The following MFN2 variants were observed in gnomAD, a reference collection of about 807,000 sequenced individuals.
The protein encoded by MFN2 is mitofusin 2.
MFN2 carries 43 observed loss-of-function variants against 87.5 expected under a neutral mutation model. The observed-to-expected ratio is 0.49, with a 90% CI of 0.38 to 0.63. The LOEUF (loss-of-function observed/expected upper bound fraction) is 0.63. MFN2 is among the 30% of genes least tolerant of loss of function. The probability of loss-of-function intolerance (pLI) is 0.00; values close to 1 mark genes in which losing one functional copy is unlikely to be tolerated. For missense variants in MFN2, 743 were observed against 972.8 expected, an observed-to-expected ratio of 0.76 and a Z score of 3.14; for synonymous variants, 337 against 359.9, an observed-to-expected ratio of 0.94 and a Z score of 0.72.
chr1:11,994,839 C>T (rs1638842042), intron 4 of MFN2, among the ~76,000 whole-genome samples: 1 of 152,158 alleles, frequency 6.6e-6, no homozygotes, highest in Non-Finnish European at 1.5e-5. Context: ...TAGTTCTGCT[C>T]TAGTGATATG....
At chr1:12,009,388 G>A (rs1000446797) in intron 17 of MFN2, among the ~76,000 whole-genome samples, 1 of 152,222 alleles carries the variant, frequency 6.6e-6, no homozygotes, top group Non-Finnish European at 1.5e-5. Context: ...TTCTCAGGCC[G>A]TGGTGATGCT....
chr1:11,990,551 C>T (rs887084152), intron 3 of MFN2, among the ~76,000 whole-genome samples: 3 of 152,088 alleles, frequency 2.0e-5, no homozygotes, highest in African/African-American at 7.2e-5. Flanking sequence ...CAAACACATG[C>T]GTAATGCAGG....
chr1:11,989,460 T>C, intron 3 of MFN2, 117 bp downstream of exon 3: 1 of 1,175,152 alleles, frequency 8.5e-7, no homozygotes, highest in South Asian at 1.5e-5. Flanking sequence ...CAGATAGCCT[T>C]AGAAATGCTC....
At position 12,013,278 on chromosome 1, in the gene MFN2, T is replaced by C. The variant is rs1442346806; in HGVS notation, c.*1713T>C. 2.3e-6 allele frequency: 1 copy of C among 428,372 alleles called. No individual in the cohort carries two copies. Among genetic ancestry groups the C allele is most frequent in the Non-Finnish European group, 4.8e-6 (1 of 206,290 alleles). The allele number at this position is 428,372 out of a possible 1,614,324, so 26.5% of individuals were successfully genotyped here. ...TGAATGAAATTTTGAGCTTCTTCAA[T>C]ACGTAAAATTAAATTTATACCACTG... On this transcript the variant is annotated 3_prime_UTR_variant, in exon 19 of 19. Coordinates refer to ENST00000235329, the MANE Select transcript of MFN2 (RefSeq NM_014874.4).
intron 3 of MFN2, among the ~76,000 whole-genome samples, chr1:11,991,949 A>AAAAG (rs1638701930): frequency 6.2e-5 from 9 of 144,842 alleles, no homozygotes; most frequent in African/African-American, 2.4e-4. Flanking sequence ...AAAAAAAAAA[A>AAAAG]AAAGAAGTGA....
chr1:12,001,093 C>T (rs1196347114), intron 8 of MFN2, among the ~76,000 whole-genome samples: 1 of 152,164 alleles, frequency 6.6e-6, no homozygotes, highest in Non-Finnish European at 1.5e-5. Context: ...CTCACTGCAA[C>T]CTCCGCCTCC....
chr1:11,988,885 G>A (rs1164726961), intron 2 of MFN2, among the ~76,000 whole-genome samples: 1 of 151,988 alleles, frequency 6.6e-6, no homozygotes, highest in Non-Finnish European at 1.5e-5. Context: ...ATTTTTAGTA[G>A]AGACGGGGGT....
intron 4 of MFN2, among the ~76,000 whole-genome samples, chr1:11,994,484 G>A (rs1638826261): frequency 1.3e-5 from 2 of 152,136 alleles, no homozygotes; most frequent in Middle Eastern, 3.2e-3. Context: ...CAGCTACTTG[G>A]GAGGCTGAGG....
At chr1:12,001,706 G>A (rs909712178) in intron 9 of MFN2, 63 bp from the exon 10 acceptor site, 17 of 1,606,906 alleles carry the variant, frequency 1.1e-5, no homozygotes, top group African/African-American at 1.3e-5. Flanking sequence ...TGGTTTCTGG[G>A]GATTTCATCG....
rs927227481 is a variant in MFN2, at chr1:11,991,841, G to T, written c.176-714G>T. Among the ~76,000 whole-genome samples the T allele has an allele frequency of 2.5e-3, 346 of 140,854 alleles. 4 individuals are homozygous for T. The highest frequency in any genetic ancestry group is 3.7e-3 in the Non-Finnish European group (241 of 65,156). The allele number at this position is 140,854 out of a possible 152,430, so 92.4% of individuals were successfully genotyped here. On this transcript the variant is annotated intron_variant, in intron 3 of 18. Coordinates refer to ENST00000235329, the MANE Select transcript of MFN2 (RefSeq NM_014874.4). ...TGGGAGGCTGAGGCAGGAGAATGGC[G>T]TGAACCCGGGAGGCGGAGCTTGCAG...
chr1:11,983,496 C>T (rs897579512), intron 2 of MFN2, among the ~76,000 whole-genome samples: 4 of 152,220 alleles, frequency 2.6e-5, no homozygotes, highest in Admixed American at 2.6e-4. Context: ...AAACAGTAAT[C>T]TCCAGAGCAC....
intron 8 of MFN2, among the ~76,000 whole-genome samples, chr1:12,000,339 G>A (rs555864151): frequency 3.9e-5 from 6 of 151,942 alleles, no homozygotes; most frequent in Admixed American, 2.6e-4. Context: ...ACAGGCACCC[G>A]CCACCACACC....
chr1:11,993,524 A>C (rs1323979433), intron 4 of MFN2, among the ~76,000 whole-genome samples: 4 of 152,152 alleles, frequency 2.6e-5, no homozygotes, highest in Non-Finnish European at 4.4e-5. Flanking sequence ...TCACGAGGTC[A>C]GGAGATCGAG....
chr1:12,008,262 G>A (rs938891465), intron 17 of MFN2, among the ~76,000 whole-genome samples: 9 of 152,310 alleles, frequency 5.9e-5, no homozygotes, highest in Non-Finnish European at 1.2e-4. Context: ...TGAGCTGTTG[G>A]GTACACCTCC....
At chr1:11,987,773 C>T (rs1489949660) in intron 2 of MFN2, among the ~76,000 whole-genome samples, 1 of 151,834 alleles carries the variant, frequency 6.6e-6, no homozygotes, top group Admixed American at 6.6e-5. Flanking sequence ...CATAAGAAGA[C>T]CCTGTCTCTA....
At chr1:11,981,241 A>G (rs534296755) in intron 1 of MFN2, among the ~76,000 whole-genome samples, 1 of 152,328 alleles carries the variant, frequency 6.6e-6, no homozygotes, top group African/African-American at 2.4e-5. Flanking sequence ...GCAGTGGATC[A>G]CACCTGTAAT....
intron 4 of MFN2, among the ~76,000 whole-genome samples, chr1:11,995,459 C>T (rs773249391): frequency 6.6e-6 from 1 of 151,664 alleles, no homozygotes; most frequent in Non-Finnish European, 1.5e-5. Context: ...ATGGTGAAAC[C>T]CTGTCTCTAC....
chr1:11,982,765 T>G (rs1298394839), intron 2 of MFN2, among the ~76,000 whole-genome samples: 1 of 152,200 alleles, frequency 6.6e-6, no homozygotes, highest in Non-Finnish European at 1.5e-5. Context: ...CATTTAGAAC[T>G]GGGTTCATTT....
At chr1:12,009,220 A>AGGGAGAGGGAGC (rs527350258) in intron 17 of MFN2, among the ~76,000 whole-genome samples, 2 of 151,474 alleles carry the variant, frequency 1.3e-5, no homozygotes, top group Non-Finnish European at 2.9e-5. Flanking sequence ...CCGTGGGGAG[A>AGGGAGAGGGAGC]GGGAGAGGGA....
Sources: gnomAD v4.1 joint callset for allele counts (sites outside exome capture counted in the v4.1 genomes callset) on GRCh38, gnomAD v4.1.1 for gene constraint, MANE v1.5 for transcripts, NCBI Gene and HGNC (gene_info 2026-07-23, HGNC 2026-07-21) for gene names.